MYB: variants seen among roughly 807,000 people sequenced by gnomAD.
MYB encodes MYB proto-oncogene, transcription factor.
Under a neutral mutation model 92.9 loss-of-function variants are expected in MYB, and 28 were observed. The observed-to-expected ratio is 0.30, with a 90% CI of 0.22 to 0.41. The LOEUF is 0.41. Ranked by LOEUF, MYB falls within the 10% of genes least tolerant of loss-of-function variation. The pLI, the probability that MYB is intolerant of heterozygous loss-of-function variation, is 1.00. For synonymous variants in MYB, 295 were observed against 329.1 expected (o/e 0.90, Z 1.12); for missense variants, 679 against 929.3 (o/e 0.73, Z 3.50).
At chr6:135,199,080 T>C in intron 11 of MYB, 30 bp downstream of exon 11, 1 of 1,511,008 alleles carries the variant, frequency 6.6e-7, no homozygotes, top group Non-Finnish European at 9.0e-7. Flanking sequence ...ATAAAATGAT[T>C]TATCTTATTT....
chr6:135,200,242 C>T (rs1171832872), intron 12 of MYB, 43 bp downstream of exon 12: 12 of 1,613,854 alleles, frequency 7.4e-6, no homozygotes, highest in East Asian at 2.2e-5. Flanking sequence ...GTTTATTAGT[C>T]CCATTAGGAG....
intron 13 of MYB, 89 bp downstream of exon 13, chr6:135,200,504 T>C (rs767243448): frequency 3.6e-5 from 57 of 1,565,160 alleles, no homozygotes; most frequent in Non-Finnish European, 4.7e-5. Flanking sequence ...CCATTGGCAC[T>C]GTGCAACACC....
In MYB at chr6:135,218,287, G is replaced by T; in HGVS notation, c.*307G>T. On this transcript the variant is annotated 3_prime_UTR_variant, in exon 16 of 16. Coordinates refer to ENST00000341911, the MANE Select transcript of MYB (RefSeq NM_001130173.2). ...AAAATGATTTATCTGTATTTTAAAG[G>T]ATCCAACAGATCAGTATTTTTTCCT... 3.3e-6 allele frequency: 1 copy of T among 299,978 alleles called. No homozygotes were observed. Among genetic ancestry groups the T allele is most frequent in the Non-Finnish European group, 6.3e-6 (1 of 159,698 alleles). The allele number at this position is 299,978 out of a possible 1,614,324, so 18.6% of individuals were successfully genotyped here.
rs749299297 is a variant in MYB at position 135,200,807 on chromosome 6, G to A, written c.1950+392G>A. ...TATTAAAAAAAGGGAGGCTGGGCGC[G>A]GTGGCTCATACCTGTAATCCCAGCA... On this transcript the variant is annotated intron_variant, in intron 13 of 15. Coordinates refer to ENST00000341911, the MANE Select transcript of MYB (RefSeq NM_001130173.2). The A allele has an allele frequency of 2.4e-4, 67 of 276,204 alleles. 1 individual carries two copies. Among genetic ancestry groups the A allele is most frequent in the South Asian group, 1.2e-3 (34 of 28,366 alleles). 17.1% of individuals were successfully genotyped at this position (276,204 alleles called of 1,614,324 possible).
intron 15 of MYB, among the ~76,000 whole-genome samples, chr6:135,217,408 A>G (rs1048005186): frequency 2.0e-5 from 3 of 152,116 alleles, no homozygotes; most frequent in African/African-American, 7.2e-5. Flanking sequence ...ACTGATAAAT[A>G]TTTCTAAAGT....
intron 15 of MYB, among the ~76,000 whole-genome samples, chr6:135,216,152 G>C (rs1270572020): frequency 6.6e-6 from 1 of 152,074 alleles, no homozygotes; most frequent in Non-Finnish European, 1.5e-5. Flanking sequence ...GCTTTATGCT[G>C]GTGTTTCGTG....
rs1158643660 is a variant in MYB, at chr6:135,197,233, T to G, written c.1476T>G (p.Thr492=). The change falls in exon 10 of 16, where the codon ACT becomes ACG. Residue 492 remains threonine (T), a synonymous_variant. Coordinates refer to ENST00000341911, the MANE Select transcript of MYB (RefSeq NM_001130173.2). The part of the protein sequence containing the change: ...KKRGQASPLA[T]GDCSSFIFAD... Reference sequence around the variant, plus strand: ...GGGGCCAGGCCAGCCCCTTAGCCACTGGAGACTGTAGCTCCTTCATATTTG... The same window carrying G: ...GGGGCCAGGCCAGCCCCTTAGCCACGGGAGACTGTAGCTCCTTCATATTTG... 7 of 1,613,912 alleles carry G rather than the reference T, an allele frequency of 4.3e-6. No homozygotes were observed. Among genetic ancestry groups the G allele is most frequent in the Non-Finnish European group, 5.1e-6 (6 of 1,179,906 alleles).
At chr6:135,192,985 G>A (rs1163680831) in intron 6 of MYB, among the ~76,000 whole-genome samples, 1 of 152,194 alleles carries the variant, frequency 6.6e-6, no homozygotes, top group Non-Finnish European at 1.5e-5. Flanking sequence ...AGAGGAGAGA[G>A]TTTGACACTG....
chr6:135,196,648 A>G (rs1002843246), intron 9 of MYB: 28 of 909,598 alleles, frequency 3.1e-5, no homozygotes, highest in Non-Finnish European at 3.5e-5. Context: ...TTTATTGCAC[A>G]CTCATTGGTT....
In MYB at chr6:135,200,070, G is replaced by A. The variant is rs1777848058; in HGVS notation, c.1710-15G>A. The A allele has an allele frequency of 5.6e-6, 9 of 1,594,222 alleles. No individual in the cohort carries two copies. The highest frequency in any genetic ancestry group is 7.7e-6 in the Non-Finnish European group (9 of 1,161,978). ...ATTCTTTTGTATTGAGCCACTGCTT[G>A]TTTTCTTTTTAAAGTTTTAGAACCC... On this transcript the variant is annotated splice_polypyrimidine_tract_variant and intron_variant, in intron 11 of 15. Transcript: ENST00000341911.
intron 15 of MYB, among the ~76,000 whole-genome samples, chr6:135,206,230 AT>A (rs1562391384): frequency 1.8e-4 from 25 of 140,056 alleles, no homozygotes; most frequent in African/African-American, 5.4e-4. Flanking sequence ...AAAAAAAATA[AT>A]AATAATAATA....
chr6:135,193,092 C>G (rs1347590867), intron 6 of MYB, among the ~76,000 whole-genome samples: 4 of 152,166 alleles, frequency 2.6e-5, no homozygotes, highest in Non-Finnish European at 4.4e-5. Context: ...TACTCTGAGT[C>G]AGGAGCAGAA....
Position 135,190,782 on chromosome 6 carries a change from C to A in MYB, c.527+435C>A, listed in dbSNP as rs767122454. Among the ~76,000 whole-genome samples the A allele has an allele frequency of 6.6e-6, 1 of 151,996 alleles. No individual in the cohort carries two copies. The highest frequency in any genetic ancestry group is 2.1e-4 in the South Asian group (1 of 4,816). ...TTTTCCTGATAACCATCATTCATTT[C>A]TTTTATTTTTTTTAATTATTATTTT... On this transcript the variant is annotated intron_variant, in intron 5 of 15. Transcript: ENST00000341911. This position sits in a 1 kb window ranked among gnomAD's most constrained non-coding sequence, Gnocchi z 4.5.
intron 15 of MYB, among the ~76,000 whole-genome samples, chr6:135,210,416 C>A (rs1284312789): frequency 6.6e-6 from 1 of 152,182 alleles, no homozygotes; most frequent in Non-Finnish European, 1.5e-5. Flanking sequence ...AAAGAAATTT[C>A]TCCAGCCATT....
At position 135,217,848 on chromosome 6, in the gene MYB, T is replaced by C. The variant is rs1326687774; in HGVS notation, c.2170-16T>C. ...TCTTTGTCTGACGCTCCTGTTGCCA[T>C]CCCTTTCTCCATCAGCCTTGTAGCA... is the stretch of plus-strand genomic sequence containing the variant. On this transcript the variant is annotated splice_polypyrimidine_tract_variant and intron_variant, in intron 15 of 15. Coordinates refer to ENST00000341911, the MANE Select transcript of MYB (RefSeq NM_001130173.2). 3 of 1,556,534 alleles carry C rather than the reference T, an allele frequency of 1.9e-6. No homozygotes were observed. The highest frequency in any genetic ancestry group is 1.7e-4 in the Middle Eastern group (1 of 5,928).
At chr6:135,207,657 T>G (rs1226797747) in intron 15 of MYB, among the ~76,000 whole-genome samples, 4 of 152,214 alleles carry the variant, frequency 2.6e-5, no homozygotes, top group Non-Finnish European at 5.9e-5. Flanking sequence ...TTATAAATTT[T>G]GTACACACAT....
chr6:135,216,231 C>T (rs1780413123), intron 15 of MYB, among the ~76,000 whole-genome samples: 1 of 152,076 alleles, frequency 6.6e-6, no homozygotes, highest in African/African-American at 2.4e-5. Context: ...TTTCAGAACC[C>T]GCAAGGACAC....
At chr6:135,194,291 C>A (rs879053041) in intron 7 of MYB, 65 bp from the exon 8 acceptor site, 48 of 1,233,600 alleles carry the variant, frequency 3.9e-5, no homozygotes, top group East Asian at 2.3e-5. Flanking sequence ...ATATTGGCTA[C>A]ACCCATTGTA....
chr6:135,203,817 CT>C, intron 15 of MYB: 6 of 1,280,886 alleles, frequency 4.7e-6, no homozygotes, highest in Non-Finnish European at 6.1e-6. Context: ...AGAAAGTCAA[CT>C]GTCAATGTTG....
Sources: gnomAD v4.1 joint callset for allele counts (sites outside exome capture counted in the v4.1 genomes callset) on GRCh38, gnomAD v4.1.1 for gene constraint, Gnocchi (gnomAD v3.1) non-coding constraint, MANE v1.5 for transcripts, NCBI Gene and HGNC (gene_info 2026-07-23, HGNC 2026-07-21) for gene names.